Variants in MDGA2 observed in about 807,000 individuals in gnomAD.
The protein encoded by MDGA2 is MAM domain containing glycosylphosphatidylinositol anchor 2.
In MDGA2, 40 loss-of-function variants were observed where a neutral mutation model predicts 117.8. That is an observed-to-expected ratio of 0.34 (90% CI 0.26 to 0.44). The LOEUF (loss-of-function observed/expected upper bound fraction) is 0.44, where lower values mean the gene tolerates loss of function less well. MDGA2 is among the 20% of genes least tolerant of loss of function. The pLI, the probability that MDGA2 is intolerant of heterozygous loss-of-function variation, is 1.00. For synonymous variants in MDGA2, 452 were observed against 439.0 expected (o/e 1.03, Z -0.37); for missense variants, 1,123 against 1,250.6 (o/e 0.90, Z 1.54).
chr14:47,320,126 G>A (rs1040775891), intron 1 of MDGA2, among the ~76,000 whole-genome samples: 134 of 152,246 alleles, frequency 8.8e-4, no homozygotes, highest in African/African-American at 3.1e-3. Context: ...CCTTGATCTT[G>A]GACTTAGAGT....
chr14:47,301,472 G>A lies in MDGA2; in HGVS notation c.359C>T (p.Thr120Ile). The A allele has an allele frequency of 6.4e-7, 1 of 1,551,810 alleles. No homozygotes were observed. Among genetic ancestry groups the A allele is most frequent in the Non-Finnish European group, 8.7e-7 (1 of 1,147,010 alleles). Residue 120 changes from threonine (T) to isoleucine (I), a missense_variant, in exon 2 of 17, where the codon ACT (threonine) becomes ATT (isoleucine). Transcript: ENST00000399232. ...CTCAAGGGTTTCTCCTTCCCGGATAGTGTAGACCCTTTCGGAGTAGCGCTC... is the reference window on the plus strand; with the variant it reads ...CTCAAGGGTTTCTCCTTCCCGGATAATGTAGACCCTTTCGGAGTAGCGCTC... Reference protein sequence around the residue: ...EEERYSERVYTIREGETLELT... With the variant: ...EEERYSERVYIIREGETLELT...
chr14:47,458,158 C>T (rs1437011582), intron 1 of MDGA2, among the ~76,000 whole-genome samples: 1 of 151,998 alleles, frequency 6.6e-6, no homozygotes, highest in Non-Finnish European at 1.5e-5. Flanking sequence ...TACTGAGTTA[C>T]ACGTGTTTCT....
intron 1 of MDGA2, among the ~76,000 whole-genome samples, chr14:47,542,944 T>C (rs1035340296): frequency 6.6e-6 from 1 of 152,222 alleles, no homozygotes; most frequent in Non-Finnish European, 1.5e-5. Context: ...GTGCACTGGC[T>C]CACACCTGTA....
At chr14:47,269,318 C>T (rs1202339900) in intron 2 of MDGA2, among the ~76,000 whole-genome samples, 6 of 152,174 alleles carry the variant, frequency 3.9e-5, no homozygotes, top group African/African-American at 9.6e-5. Context: ...CCATTCTGTA[C>T]GTGAAGAACA....
At chr14:47,317,732 T>G (rs1218666990) in intron 1 of MDGA2, among the ~76,000 whole-genome samples, 1 of 152,074 alleles carries the variant, frequency 6.6e-6, no homozygotes, top group Non-Finnish European at 1.5e-5. Flanking sequence ...TCTAGCTTTT[T>G]CTCATCCATT....
intron 3 of MDGA2, among the ~76,000 whole-genome samples, chr14:47,153,547 G>C (rs557206368): frequency 6.6e-6 from 1 of 152,164 alleles, no homozygotes; most frequent in Admixed American, 6.6e-5. Context: ...ACACGACCTA[G>C]AGCCAAAATA....
chr14:47,304,168 T>C (rs916540056), intron 1 of MDGA2, among the ~76,000 whole-genome samples: 1 of 152,158 alleles, frequency 6.6e-6, no homozygotes, highest in African/African-American at 2.4e-5. Context: ...ATGAGAGTAT[T>C]TTGGAAGCTT....
chr14:46,929,599 G>GTGTGTA (rs1884463926), intron 9 of MDGA2, among the ~76,000 whole-genome samples: 1 of 15,270 alleles, frequency 6.5e-5, no homozygotes, highest in East Asian at 1.3e-3. Flanking sequence ...GTGTGTGTGT[G>GTGTGTA]TGTATATATA....
intron 8 of MDGA2, among the ~76,000 whole-genome samples, chr14:47,000,546 A>G (rs1453125699): frequency 6.7e-6 from 1 of 150,274 alleles, no homozygotes; most frequent in Non-Finnish European, 1.5e-5. Context: ...ATTTAAATAT[A>G]AGAGGAAGTT....
At chr14:47,383,338 A>C (rs547777521) in intron 1 of MDGA2, among the ~76,000 whole-genome samples, 10 of 152,270 alleles carry the variant, frequency 6.6e-5, no homozygotes, top group Non-Finnish European at 1.0e-4. Context: ...TAGAACTTAA[A>C]GTACAATTAA....
chr14:47,302,801 C>G (rs992352336), intron 1 of MDGA2, among the ~76,000 whole-genome samples: 1 of 152,020 alleles, frequency 6.6e-6, no homozygotes. Flanking sequence ...CACAGTCTAC[C>G]CATAGAGCTT....
intron 1 of MDGA2, among the ~76,000 whole-genome samples, chr14:47,440,079 T>A (rs1248215844): frequency 1.3e-5 from 2 of 151,990 alleles, no homozygotes; most frequent in African/African-American, 4.8e-5. Context: ...GGCAGCACAG[T>A]GCAGACAATG....
At chr14:47,215,496 G>T (rs1014353602) in intron 3 of MDGA2, among the ~76,000 whole-genome samples, 3 of 152,044 alleles carry the variant, frequency 2.0e-5, no homozygotes, top group African/African-American at 2.4e-5. Flanking sequence ...TTCAATCAAG[G>T]TTGTATTTGG....
intron 1 of MDGA2, among the ~76,000 whole-genome samples, chr14:47,551,041 G>C (rs897624747): frequency 2.0e-5 from 3 of 152,004 alleles, no homozygotes; most frequent in Admixed American, 6.6e-5. Context: ...CACTTTTGAA[G>C]GGCATTCATA....
intron 1 of MDGA2, among the ~76,000 whole-genome samples, chr14:47,418,146 G>A (rs762050261): frequency 2.0e-5 from 3 of 151,876 alleles, no homozygotes; most frequent in Non-Finnish European, 2.9e-5. Context: ...GCATGATCTC[G>A]GCTCTCTGCA....
At chr14:47,125,126 A>G (rs1373531080) in intron 5 of MDGA2, among the ~76,000 whole-genome samples, 1 of 152,154 alleles carries the variant, frequency 6.6e-6, no homozygotes, top group Non-Finnish European at 1.5e-5. Flanking sequence ...TCTAAACACA[A>G]GAGGCTAGAG....
chr14:47,388,676 AG>A (rs1891815392), intron 1 of MDGA2, among the ~76,000 whole-genome samples: 1 of 152,100 alleles, frequency 6.6e-6, no homozygotes, highest in African/African-American at 2.4e-5. Flanking sequence ...AGGGGTTTGG[AG>A]TGTGAGTTAT....
intron 1 of MDGA2, among the ~76,000 whole-genome samples, chr14:47,478,366 AT>A (rs1369795680): frequency 6.6e-6 from 1 of 152,104 alleles, no homozygotes; most frequent in African/African-American, 2.4e-5. Context: ...TAAAAATTCA[AT>A]TGTATTTGAA....
At chr14:47,623,761 T>G (rs1897092370) in intron 1 of MDGA2, among the ~76,000 whole-genome samples, 1 of 152,120 alleles carries the variant, frequency 6.6e-6, no homozygotes, top group African/African-American at 2.4e-5. Context: ...CCAATGTGAG[T>G]TTGTAATGGA....
Sources: allele counts gnomAD v4.1 joint callset (sites outside exome capture counted in the v4.1 genomes callset), GRCh38; gene constraint gnomAD v4.1.1; transcripts MANE v1.5; gene names NCBI Gene and HGNC (gene_info 2026-07-23, HGNC 2026-07-21).